The following TULP3 variants were observed in gnomAD, a reference collection of about 807,000 sequenced individuals.
TULP3 encodes the protein TUB like protein 3, also known as tubby-related protein 3.
Under a neutral mutation model 50.7 loss-of-function variants are expected in TULP3, and 38 were observed. The ratio of observed to expected loss-of-function variants is 0.75; its 90% CI spans 0.58 to 0.98. The LOEUF (loss-of-function observed/expected upper bound fraction) is 0.98. TULP3 is among the 50% of genes least tolerant of loss of function. TULP3 has a pLI of 0.00. For synonymous variants in TULP3, 183 were observed against 196.6 expected (o/e 0.93, Z 0.58); for missense variants, 550 against 568.0 (o/e 0.97, Z 0.32).
Position 2,939,315 on chromosome 12 carries a change from TTA to T in TULP3, c.1205_1206del (p.Ile402SerfsTer10), listed in dbSNP as rs771809669. 1 of 1,613,834 alleles carries T rather than the reference TTA, an allele frequency of 6.2e-7. No homozygotes were observed. Among genetic ancestry groups the T allele is most frequent in the African/African-American group, 1.3e-5 (1 of 74,930 alleles). On this transcript the variant is annotated frameshift_variant, in exon 11 of 11. Coordinates refer to ENST00000448120, the MANE Select transcript of TULP3 (RefSeq NM_003324.5). LOFTEE classifies it high-confidence loss of function. This position sits in a 1 kb window ranked among gnomAD's most constrained non-coding sequence, Gnocchi z 4.0. The part of the protein sequence containing the change: ...FQIVHKNDPD[Y>X]IVMQFGRVAD... ...TTGATTTCTTTCTGTTTCTAGCTGA[TTA>T]TATAGTCATGCAGTTTGGACGTGTG...
chr12:2,904,724 T>G (rs185366230), intron 1 of TULP3, among the ~76,000 whole-genome samples: 1 of 152,236 alleles, frequency 6.6e-6, no homozygotes, highest in Non-Finnish European at 1.5e-5. Flanking sequence ...AGAAATTCTT[T>G]CTGTTTTGTG....
chr12:2,896,701 T>C (rs1393642248), intron 1 of TULP3, among the ~76,000 whole-genome samples: 6 of 152,152 alleles, frequency 3.9e-5, no homozygotes, highest in Non-Finnish European at 7.3e-5. Flanking sequence ...CTTCAATAAA[T>C]CTACAAGGTA....
chr12:2,902,648 G>A (rs1415410874), intron 1 of TULP3, among the ~76,000 whole-genome samples: 1 of 152,168 alleles, frequency 6.6e-6, no homozygotes, highest in Non-Finnish European at 1.5e-5. Context: ...ATAGATTCTT[G>A]AGGGTCATTA....
intron 4 of TULP3, 130 bp downstream of exon 4, chr12:2,922,532 C>A: frequency 9.1e-7 from 1 of 1,098,852 alleles, no homozygotes; most frequent in Non-Finnish European, 1.3e-6. Context: ...ACAGAGGTGA[C>A]AGTGTTTAGC....
chr12:2,913,731 C>A (rs2098187013), intron 2 of TULP3, among the ~76,000 whole-genome samples: 3 of 152,198 alleles, frequency 2.0e-5, no homozygotes, highest in Admixed American at 2.0e-4. Flanking sequence ...CTGCCTCAGC[C>A]TCCTGAGTAG....
chr12:2,939,250 A>G lies in TULP3; in HGVS notation c.1196-61A>G. On this transcript the variant is annotated intron_variant, in intron 10 of 10. Coordinates refer to ENST00000448120, the MANE Select transcript of TULP3 (RefSeq NM_003324.5). The surrounding 1 kb of genome is among the most constrained non-coding windows in gnomAD (Gnocchi z 4.0). ...CATCTAAGAAAAGGAAGAAAAAGAA[A>G]AAGATTTCCCTGAGTGCAACCACAT... 1 of 1,572,260 alleles carries G rather than the reference A, an allele frequency of 6.4e-7. No homozygotes were observed. Among genetic ancestry groups the G allele is most frequent in the Admixed American group, 1.8e-5 (1 of 56,602 alleles).
At chr12:2,924,937 G>T (rs1441189475) in intron 4 of TULP3, among the ~76,000 whole-genome samples, 1 of 152,160 alleles carries the variant, frequency 6.6e-6, no homozygotes, top group East Asian at 1.9e-4. Flanking sequence ...CAGCACTTTG[G>T]GAGGCCGACA....
intron 2 of TULP3, among the ~76,000 whole-genome samples, chr12:2,911,863 C>T (rs1319644267): frequency 6.6e-6 from 1 of 151,366 alleles, no homozygotes; most frequent in East Asian, 1.9e-4. Context: ...GTAGTGTGCA[C>T]CTGTAGTTCC....
At chr12:2,912,758 C>T (rs188588209) in intron 2 of TULP3, among the ~76,000 whole-genome samples, 3 of 152,228 alleles carry the variant, frequency 2.0e-5, no homozygotes, top group Admixed American at 1.3e-4. Context: ...AGTTTGCGAT[C>T]GGGACATAGC....
At position 2,941,018 on chromosome 12, in the gene TULP3, T is replaced by A; in HGVS notation, c.*1574T>A. 3 of 376,056 alleles carry A rather than the reference T, an allele frequency of 8.0e-6. No homozygotes were observed. The highest frequency in any genetic ancestry group is 4.8e-6 in the Non-Finnish European group (1 of 209,914). 23.3% of individuals were successfully genotyped at this position (376,056 alleles called of 1,614,324 possible). A position where few individuals can be genotyped will look rare whatever the true frequency, so the allele number is the denominator to read the frequency against. ...ACCTCATCCTGCTTCTTCCTCCCTC[T>A]GGTTTAAAGAGATATATAAACTAAT... is the stretch of plus-strand genomic sequence containing the variant. On this transcript the variant is annotated 3_prime_UTR_variant, in exon 11 of 11. Coordinates refer to ENST00000448120, the MANE Select transcript of TULP3 (RefSeq NM_003324.5).
chr12:2,920,949 T>G, intron 3 of TULP3, 27 bp downstream of exon 3: 1 of 1,610,534 alleles, frequency 6.2e-7, no homozygotes, highest in Non-Finnish European at 8.5e-7. Context: ...CATCACTTCC[T>G]AGTGGGGTAC....
In TULP3 at chr12:2,940,506, C is replaced by G; in HGVS notation, c.*1062C>G. On this transcript the variant is annotated 3_prime_UTR_variant, in exon 11 of 11. Coordinates refer to ENST00000448120, the MANE Select transcript of TULP3 (RefSeq NM_003324.5). ...ACACCCCTCCACGTATTATGTGACTCTTACACCAGTTCACCCTTCCCAGAA... is the reference window on the plus strand; with the variant it reads ...ACACCCCTCCACGTATTATGTGACTGTTACACCAGTTCACCCTTCCCAGAA... The G allele has an allele frequency of 6.5e-7, 1 of 1,536,278 alleles. No homozygotes were observed. The highest frequency in any genetic ancestry group is 1.2e-5 in the South Asian group (1 of 81,834).
intron 2 of TULP3, among the ~76,000 whole-genome samples, chr12:2,909,979 G>T (rs1040177118): frequency 6.6e-6 from 1 of 152,168 alleles, no homozygotes; most frequent in Non-Finnish European, 1.5e-5. Flanking sequence ...ATCCGAGCTT[G>T]CTGCCGTGCT....
chr12:2,932,306 C>T (rs141086094), intron 6 of TULP3, among the ~76,000 whole-genome samples: 2 of 152,184 alleles, frequency 1.3e-5, no homozygotes, highest in Non-Finnish European at 2.9e-5. Context: ...AGGCCAGGTG[C>T]GGTGGCTCAC....
At chr12:2,930,191 T>C (rs936750767) in intron 4 of TULP3, 57 bp from the exon 5 acceptor site, 1 of 1,208,548 alleles carries the variant, frequency 8.3e-7, no homozygotes, top group African/African-American at 1.5e-5. Flanking sequence ...TATCTTTGTT[T>C]CAAAGACCTT....
At chr12:2,933,958 A>T (rs894255143) in intron 7 of TULP3, among the ~76,000 whole-genome samples, 1 of 152,144 alleles carries the variant, frequency 6.6e-6, no homozygotes, top group Admixed American at 6.5e-5. Flanking sequence ...TCAAAAAAAT[A>T]AAAAAATAAG....
chr12:2,926,277 A>G (rs1204087401), intron 4 of TULP3, among the ~76,000 whole-genome samples: 1 of 152,068 alleles, frequency 6.6e-6, no homozygotes, highest in Non-Finnish European at 1.5e-5. Flanking sequence ...AGGTGGGCGG[A>G]TCGCTTGAGC....
At chr12:2,911,578 G>A (rs1446511225) in intron 2 of TULP3, among the ~76,000 whole-genome samples, 2 of 149,372 alleles carry the variant, frequency 1.3e-5, no homozygotes, top group Non-Finnish European at 3.0e-5. Flanking sequence ...TGTTAGCCAG[G>A]ATGGTCTCGA....
At chr12:2,928,166 G>A (rs1440108439) in intron 4 of TULP3, among the ~76,000 whole-genome samples, 1 of 152,186 alleles carries the variant, frequency 6.6e-6, no homozygotes, top group Admixed American at 6.6e-5. Context: ...TATAAAAGAT[G>A]CTCCATAAAT....
Sources: gnomAD v4.1 joint callset for allele counts (sites outside exome capture counted in the v4.1 genomes callset) on GRCh38, gnomAD v4.1.1 for gene constraint, Gnocchi (gnomAD v3.1) non-coding constraint, MANE v1.5 for transcripts, NCBI Gene and HGNC (gene_info 2026-07-23, HGNC 2026-07-21) for gene names.